The following ANKS1B variants were observed in gnomAD, a reference collection of about 807,000 sequenced individuals.
ANKS1B encodes the protein ankyrin repeat and sterile alpha motif domain-containing protein 1B.
Under a neutral mutation model 148.3 loss-of-function variants are expected in ANKS1B, and 36 were observed. The ratio of observed to expected loss-of-function variants is 0.24; its 90% CI spans 0.19 to 0.32. The LOEUF (loss-of-function observed/expected upper bound fraction) is 0.32. Among genes scored for constraint, ANKS1B ranks in the 10% least tolerant of loss-of-function variants. The pLI is 1.00. For missense variants in ANKS1B, 1,157 were observed against 1,542.6 expected (o/e 0.75, Z 4.19); for synonymous variants, 542 against 560.8 (o/e 0.97, Z 0.47).
intron 17 of ANKS1B, among the ~76,000 whole-genome samples, chr12:98,975,018 TCCCCTC>T (rs2099890977): frequency 1.8e-5 from 2 of 108,648 alleles, no homozygotes; most frequent in African/African-American, 7.0e-5. Flanking sequence ...CCTCCCTCCC[TCCCCTC>T]CCTTCCTTCC....
intron 16 of ANKS1B, among the ~76,000 whole-genome samples, chr12:99,068,910 A>G (rs2045413272): frequency 6.6e-6 from 1 of 152,112 alleles, no homozygotes; most frequent in East Asian, 1.9e-4. Flanking sequence ...CCTGCCCAAA[A>G]AGCTTTCCCT....
intron 17 of ANKS1B, among the ~76,000 whole-genome samples, chr12:98,964,649 G>C (rs1432212833): frequency 6.6e-6 from 1 of 152,172 alleles, no homozygotes; most frequent in Non-Finnish European, 1.5e-5. Flanking sequence ...TCTTGTCATT[G>C]TCAACAACGT....
intron 17 of ANKS1B, 154 bp from the exon 18 acceptor site, chr12:98,832,290 G>T (rs2099324568): frequency 4.9e-6 from 3 of 615,616 alleles, no homozygotes; most frequent in Admixed American, 3.0e-5. Flanking sequence ...AGTCCAGAAA[G>T]ATTGCAGTAG....
intron 16 of ANKS1B, among the ~76,000 whole-genome samples, chr12:99,068,309 C>T (rs556927442): frequency 3.7e-4 from 56 of 152,212 alleles, no homozygotes; most frequent in East Asian, 7.7e-4. Flanking sequence ...AGTGTACTTA[C>T]GCAAACCTAG....
chr12:99,354,424 C>A (rs1280116741), intron 12 of ANKS1B, among the ~76,000 whole-genome samples: 1 of 151,994 alleles, frequency 6.6e-6, no homozygotes, highest in East Asian at 1.9e-4. Flanking sequence ...CAGAGTTTGT[C>A]TCTGTCTTTT....
intron 9 of ANKS1B, among the ~76,000 whole-genome samples, chr12:99,527,495 G>A (rs903486868): frequency 3.9e-5 from 6 of 152,170 alleles, no homozygotes; most frequent in African/African-American, 1.4e-4. Flanking sequence ...TAGTAATCCG[G>A]ATTTGTGGCT....
intron 9 of ANKS1B, among the ~76,000 whole-genome samples, chr12:99,607,318 C>T (rs1002811807): frequency 6.6e-6 from 1 of 151,824 alleles, no homozygotes; most frequent in African/African-American, 2.4e-5. Context: ...ACCAATAAGT[C>T]AGGCAAGTAT....
At chr12:99,456,571 A>T (rs776082210) in intron 10 of ANKS1B, among the ~76,000 whole-genome samples, 1 of 149,668 alleles carries the variant, frequency 6.7e-6, no homozygotes, top group Non-Finnish European at 1.5e-5. Flanking sequence ...TAGATAGCAT[A>T]AAAAAAATCA....
chr12:99,697,978 G>A (rs1401047691), intron 8 of ANKS1B, among the ~76,000 whole-genome samples: 1 of 151,956 alleles, frequency 6.6e-6, no homozygotes, highest in Non-Finnish European at 1.5e-5. Context: ...GAAAAACGGG[G>A]CAGAAAACAT....
At chr12:99,391,706 A>G (rs529453216) in intron 12 of ANKS1B, among the ~76,000 whole-genome samples, 2 of 152,258 alleles carry the variant, frequency 1.3e-5, no homozygotes, top group South Asian at 4.1e-4. Flanking sequence ...CTAACTATAT[A>G]TTTTCATAAT....
At chr12:99,009,775 G>T (rs1251705002) in intron 17 of ANKS1B, among the ~76,000 whole-genome samples, 1 of 150,640 alleles carries the variant, frequency 6.6e-6, no homozygotes, top group Non-Finnish European at 1.5e-5. Context: ...CCACCATTAG[G>T]TAATTAGCTC....
chr12:99,458,359 G>A (rs2095880488), intron 10 of ANKS1B, among the ~76,000 whole-genome samples: 1 of 148,538 alleles, frequency 6.7e-6, no homozygotes, highest in African/African-American at 2.5e-5. Flanking sequence ...CATATCTCAA[G>A]AAGATAGAGA....
At chr12:99,343,172 A>C (rs1249041169) in intron 12 of ANKS1B, among the ~76,000 whole-genome samples, 1 of 152,054 alleles carries the variant, frequency 6.6e-6, no homozygotes, top group Non-Finnish European at 1.5e-5. Context: ...TATATCTTTT[A>C]AGTCTACCAA....
intron 11 of ANKS1B, among the ~76,000 whole-genome samples, chr12:99,408,144 A>G (rs922400489): frequency 6.8e-6 from 1 of 146,022 alleles, no homozygotes; most frequent in African/African-American, 2.6e-5. Context: ...CTGGCATAGA[A>G]GCAGACAAAT....
At chr12:99,285,991 A>G (rs2079074483) in intron 12 of ANKS1B, among the ~76,000 whole-genome samples, 1 of 151,996 alleles carries the variant, frequency 6.6e-6, no homozygotes, top group African/African-American at 2.4e-5. Context: ...CAAGAATTGC[A>G]ATTTGTGGGC....
rs570502043 is a variant in ANKS1B, at chr12:99,621,870, T to C, written c.1272+33197A>G. ...ATCATTGAGGCAGAAAACAAAGAAA[T>C]TCTGGACTTCAATTTGACACTTGAC... On this transcript the variant is annotated intron_variant, in intron 9 of 26. Transcript: ENST00000683438. Among the ~76,000 whole-genome samples, 3 of 148,428 alleles carry C rather than the reference T, an allele frequency of 2.0e-5. No homozygotes were observed. The Admixed American group carries it at 2.0e-4, about 10-fold the overall frequency.
intron 10 of ANKS1B, among the ~76,000 whole-genome samples, chr12:99,457,536 C>T (rs974828043): frequency 6.6e-6 from 1 of 151,888 alleles, no homozygotes; most frequent in South Asian, 2.1e-4. Flanking sequence ...AAGAGAGTCA[C>T]CCAACACATA....
chr12:99,471,322 ATATATT>A (rs934033694), intron 10 of ANKS1B, among the ~76,000 whole-genome samples: 71 of 152,130 alleles, frequency 4.7e-4, no homozygotes, highest in African/African-American at 1.5e-3. Flanking sequence ...TATACATCAT[ATATATT>A]TATGAGTCCA....
At chr12:99,140,350 C>T (rs186134780) in intron 15 of ANKS1B, among the ~76,000 whole-genome samples, 2 of 152,220 alleles carry the variant, frequency 1.3e-5, no homozygotes, top group South Asian at 2.1e-4. Flanking sequence ...GATTTAAGGT[C>T]GCTGAGCTAG....
Sources: gnomAD v4.1 joint callset for allele counts (sites outside exome capture counted in the v4.1 genomes callset) on GRCh38, gnomAD v4.1.1 for gene constraint, MANE v1.5 for transcripts, NCBI Gene and HGNC (gene_info 2026-07-23, HGNC 2026-07-21) for gene names.